The following CLEC12A variants were observed in gnomAD, a reference collection of about 807,000 sequenced individuals.
CLEC12A encodes the protein C-type lectin domain family 12 member A.
CLEC12A carries 22 observed loss-of-function variants against 26.5 expected under a neutral mutation model. The observed-to-expected ratio is 0.83, with a 90% CI of 0.59 to 1.19. The LOEUF is 1.19. Ranked by LOEUF, CLEC12A falls within the 50% of genes most tolerant of loss-of-function variation. CLEC12A has a pLI of 0.00. For synonymous variants in CLEC12A, 119 were observed against 101.9 expected (o/e 1.17, Z -1.01); for missense variants, 353 against 315.6 (o/e 1.12, Z -0.90).
At chr12:9,983,130 CT>C (rs906758321) in intron 5 of CLEC12A, among the ~76,000 whole-genome samples, 2 of 151,826 alleles carry the variant, frequency 1.3e-5, no homozygotes, top group South Asian at 4.2e-4. Context: ...GTGTAGGTGT[CT>C]TTTTTTTAAT....
At chr12:9,955,793 GA>G (rs1863733675) in intron 1 of CLEC12A, among the ~76,000 whole-genome samples, 1 of 152,216 alleles carries the variant, frequency 6.6e-6, no homozygotes. Flanking sequence ...CCTGCAGTGT[GA>G]TTGCTTCTCC....
chr12:10,000,014 C>T (rs1278056998), downstream of CLEC12A, among the ~76,000 whole-genome samples: 1 of 152,146 alleles, frequency 6.6e-6, no homozygotes, highest in Non-Finnish European at 1.5e-5. Flanking sequence ...TAAGAACAGC[C>T]ATACAAAGCT....
At chr12:9,970,559 A>T (rs1864091865), upstream of CLEC12A, among the ~76,000 whole-genome samples, 2 of 152,142 alleles carry the variant, frequency 1.3e-5, no homozygotes, top group Admixed American at 1.3e-4. Context: ...TTCCACTTGC[A>T]TTCTTGATCA....
At chr12:10,005,646 G>T in the CLEC12A span, among the ~76,000 whole-genome samples, 1 of 152,204 alleles carries the variant, frequency 6.6e-6, no homozygotes, top group African/African-American at 2.4e-5. Context: ...CAATTTGTCT[G>T]TCTTCATAGT....
downstream of CLEC12A, among the ~76,000 whole-genome samples, chr12:9,988,130 C>T (rs990907756): frequency 6.6e-6 from 1 of 152,060 alleles, no homozygotes; most frequent in African/African-American, 2.4e-5. Context: ...TGTGTCTCCA[C>T]CCAAATCTAA....
At chr12:10,001,151 CTT>C in the CLEC12A span, among the ~76,000 whole-genome samples, 1 of 152,130 alleles carries the variant, frequency 6.6e-6, no homozygotes. Context: ...TTAACAAAAA[CTT>C]TAAGATGGTA....
downstream of CLEC12A, chr12:9,998,181 T>TA: frequency 1.1e-6 from 1 of 871,702 alleles, no homozygotes; most frequent in Non-Finnish European, 1.9e-6. Context: ...GTAGAAGTGA[T>TA]AAACAGACAA....
intron 1 of CLEC12A, among the ~76,000 whole-genome samples, chr12:9,975,671 C>G (rs372718774): frequency 6.6e-6 from 1 of 152,162 alleles, no homozygotes; most frequent in African/African-American, 2.4e-5. Flanking sequence ...AGGAGAAATT[C>G]AAGCCAGCTG....
the CLEC12A span, among the ~76,000 whole-genome samples, chr12:10,001,643 A>T: frequency 6.6e-6 from 1 of 152,218 alleles, no homozygotes; most frequent in Non-Finnish European, 1.5e-5. Flanking sequence ...CATTCTATAA[A>T]TGTAAGTTGA....
chr12:9,966,118 G>T (rs1038362240), intron 1 of CLEC12A, among the ~76,000 whole-genome samples: 4 of 152,134 alleles, frequency 2.6e-5, no homozygotes, highest in African/African-American at 9.7e-5. Context: ...TGGCACAAGA[G>T]TTGGGGAGTT....
At chr12:9,983,447 T>C in intron 5 of CLEC12A, 1 of 683,316 alleles carries the variant, frequency 1.5e-6, no homozygotes. Context: ...TTGTTCTGCT[T>C]ATAATGGGAA....
At chr12:9,961,468 G>A (rs546954418) in intron 1 of CLEC12A, among the ~76,000 whole-genome samples, 5 of 152,102 alleles carry the variant, frequency 3.3e-5, no homozygotes, top group Non-Finnish European at 7.4e-5. Context: ...GTTTGTTGGA[G>A]AACAAAGCCA....
At position 9,985,015 on chromosome 12, in the gene CLEC12A, A is replaced by G; in HGVS notation, c.787A>G (p.Arg263Gly). Reference protein sequence around the residue: ...NPVQLGSTYFREA With the variant: ...NPVQLGSTYFGEA The stretch of plus-strand genomic sequence containing the variant: ...AGTGCAGCTTGGTTCTACATATTTT[A>G]GGGAGGCATGAGGCATCAATCAAAT... Residue 263 changes from arginine (R) to glycine (G), a missense_variant, in exon 6 of 6, where the codon AGG becomes GGG. Physicochemically the swap from Arg to Gly is moderately radical, Grantham distance 125 (BLOSUM62 -2). Coordinates refer to ENST00000304361, the MANE Select transcript of CLEC12A (RefSeq NM_138337.6). The G allele has an allele frequency of 5.3e-6, 8 of 1,523,650 alleles. No individual in the cohort carries two copies. The highest frequency in any genetic ancestry group is 7.0e-6 in the Non-Finnish European group (8 of 1,135,460). The allele number at this position is 1,523,650 out of a possible 1,614,324, so 94.4% of individuals were successfully genotyped here. A position where few individuals can be genotyped will look rare whatever the true frequency, so the allele number is the denominator to read the frequency against.
intron 4 of CLEC12A, among the ~76,000 whole-genome samples, chr12:9,990,716 A>C (rs1032835206): frequency 9.9e-5 from 15 of 152,224 alleles, no homozygotes; most frequent in Admixed American, 6.5e-4. Context: ...TTTTGAAAGA[A>C]GTTTACGATG....
chr12:9,958,665 C>CCATG (rs2137099804), intron 1 of CLEC12A, among the ~76,000 whole-genome samples: 1 of 152,256 alleles, frequency 6.6e-6, no homozygotes, highest in South Asian at 2.1e-4. Flanking sequence ...GGGCTTGGAC[C>CCATG]CATGACAAGA....
chr12:9,960,838 C>T (rs938741407), intron 1 of CLEC12A, among the ~76,000 whole-genome samples: 10 of 152,188 alleles, frequency 6.6e-5, no homozygotes, highest in African/African-American at 2.2e-4. Context: ...CACACCCAGG[C>T]AATGAGACTG....
downstream of CLEC12A, among the ~76,000 whole-genome samples, chr12:9,987,218 C>T (rs1202378011): frequency 6.6e-6 from 1 of 152,126 alleles, no homozygotes; most frequent in African/African-American, 2.4e-5. Flanking sequence ...GGAAAGAGGC[C>T]CCCTACTTAT....
exon 5 of CLEC12A, chr12:9,995,611 G>GAGCT: frequency 3.0e-6 from 1 of 337,126 alleles, no homozygotes; most frequent in South Asian, 2.4e-5. Flanking sequence ...CATTGTTGAT[G>GAGCT]AGCTGTATAT....
At chr12:9,953,158 A>G in intron 1 of CLEC12A, 1 of 108,152 alleles carries the variant, frequency 9.2e-6, no homozygotes. Flanking sequence ...CCGCCTGGCC[A>G]GCCATGCCGT....
Sources: allele counts gnomAD v4.1 joint callset (sites outside exome capture counted in the v4.1 genomes callset), GRCh38; gene constraint gnomAD v4.1.1; transcripts MANE v1.5; gene names NCBI Gene and HGNC (gene_info 2026-07-23, HGNC 2026-07-21).